RASEF: variants seen among roughly 807,000 people sequenced by gnomAD.
RASEF encodes ras and EF-hand domain-containing protein.
In RASEF, 68 loss-of-function variants were observed where a neutral mutation model predicts 90.1. The observed-to-expected ratio is 0.75, with a 90% CI of 0.62 to 0.92. The LOEUF is 0.92. Among genes scored for constraint, RASEF ranks in the 40% least tolerant of loss-of-function variants. The probability of loss-of-function intolerance (pLI) is 0.00; values close to 1 mark genes in which losing one functional copy is unlikely to be tolerated. For missense variants in RASEF, 949 were observed against 937.2 expected (o/e 1.01, Z -0.16); for synonymous variants, 331 against 345.2 (o/e 0.96, Z 0.46).
At chr9:83,077,012 T>G in the RASEF span, among the ~76,000 whole-genome samples, 2 of 152,206 alleles carry the variant, frequency 1.3e-5, no homozygotes, top group African/African-American at 4.8e-5. Flanking sequence ...ACAAAGAAAC[T>G]AATGTATTTT....
the RASEF span, among the ~76,000 whole-genome samples, chr9:83,184,622 C>A: frequency 6.6e-6 from 1 of 152,022 alleles, no homozygotes; most frequent in Admixed American, 6.6e-5. Flanking sequence ...CAAGTTCAAG[C>A]CCTATTTCAT....
chr9:82,989,969 T>C (rs939586295), intron 16 of RASEF, among the ~76,000 whole-genome samples: 14 of 152,248 alleles, frequency 9.2e-5, no homozygotes, highest in Non-Finnish European at 2.1e-4. Context: ...AATAATTACC[T>C]GGGTAATAAT....
At chr9:83,187,923 A>G in the RASEF span, among the ~76,000 whole-genome samples, 1 of 152,234 alleles carries the variant, frequency 6.6e-6, no homozygotes, top group East Asian at 1.9e-4. Flanking sequence ...TAAGCACATC[A>G]TTAACTTCTC....
chr9:83,155,182 A>T, the RASEF span, among the ~76,000 whole-genome samples: 1 of 152,226 alleles, frequency 6.6e-6, no homozygotes, highest in Admixed American at 6.5e-5. Flanking sequence ...GAGCCGTTCA[A>T]TTCCCAAGTC....
At chr9:83,001,196 G>T in intron 9 of RASEF, 66 bp from the exon 10 acceptor site, 8 of 1,128,378 alleles carry the variant, frequency 7.1e-6, no homozygotes, top group South Asian at 1.4e-5. Flanking sequence ...ACAGGCAATA[G>T]ACCACATGCC....
the RASEF span, among the ~76,000 whole-genome samples, chr9:83,077,981 G>C: frequency 2.0e-5 from 3 of 152,152 alleles, no homozygotes; most frequent in Non-Finnish European, 4.4e-5. Context: ...TTATCTCAGA[G>C]TCAAAAAGGC....
rs186562776 is a variant in RASEF at position 82,990,266 on chromosome 9, C to T, written c.2117+125G>A. 550 of 623,160 alleles carry T rather than the reference C, an allele frequency of 8.8e-4. 1 individual carries two copies. The highest frequency in any genetic ancestry group is 1.4e-3 in the Admixed American group (45 of 33,136). 38.6% of individuals were successfully genotyped at this position (623,160 alleles called of 1,614,324 possible). On this transcript the variant is annotated intron_variant, in intron 16 of 16. Transcript: ENST00000376447. ...TTATAATATCCACATATTTATTTCT[C>T]CCACCATGACTGACAGATAAGAGAG...
At position 83,062,505 on chromosome 9, in the gene RASEF, CGG is replaced by C; in HGVS notation, c.361_362del (p.Pro121GlyfsTer28). The C allele has an allele frequency of 6.2e-7, 1 of 1,611,080 alleles. No individual in the cohort carries two copies. Among genetic ancestry groups the C allele is most frequent in the Non-Finnish European group, 8.5e-7 (1 of 1,179,100 alleles). On this transcript the variant is annotated frameshift_variant, in exon 1 of 17. Coordinates refer to ENST00000376447, the MANE Select transcript of RASEF (RefSeq NM_152573.4). LOFTEE classifies it high-confidence loss of function. ...AAAALATSCG[P>X]ASPGRAWQDF... is the part of the protein sequence containing the mutation. ...CCTGCCAAGCCCGGCCGGGACTCGC[CGG>C]GCCGCACGAGGTGGCCAGCGCCGCC...
intron 1 of RASEF, among the ~76,000 whole-genome samples, chr9:83,054,472 T>G (rs1416186612): frequency 2.2e-5 from 2 of 89,770 alleles, no homozygotes; most frequent in Non-Finnish European, 4.1e-5. Flanking sequence ...GTTTTCAACT[T>G]CTTTGCCTTT....
At chr9:83,025,462 C>A (rs556379013) in intron 2 of RASEF, among the ~76,000 whole-genome samples, 46 of 152,328 alleles carry the variant, frequency 3.0e-4, no homozygotes, top group African/African-American at 9.9e-4. Context: ...AAATAGTGTT[C>A]CATCTACTTC....
chr9:83,009,566 T>C (rs1307201646), intron 6 of RASEF, 75 bp downstream of exon 6: 7 of 786,346 alleles, frequency 8.9e-6, no homozygotes, highest in South Asian at 5.3e-5. Context: ...CATTATTCCA[T>C]AGCTGAGCTT....
rs141268498 is a variant in RASEF at position 82,998,476 on chromosome 9, G to A, written c.1724-30C>T. 2.1e-3 allele frequency: 2,846 copies of A among 1,377,962 alleles called. 8 individuals carry two copies. The highest frequency in any genetic ancestry group is 2.6e-3 in the Non-Finnish European group (2,552 of 965,714). 85.4% of individuals were successfully genotyped at this position (1,377,962 alleles called of 1,614,324 possible). A position where few individuals can be genotyped will look rare whatever the true frequency, so the allele number is the denominator to read the frequency against. ...AAAGGAATGTGAGAGTGGAGAGCAC[G>A]ATGTAAATAATTCCATTGGCTTTTT... is the stretch of plus-strand genomic sequence containing the variant. On this transcript the variant is annotated intron_variant, in intron 12 of 16. Transcript: ENST00000376447.
chr9:83,062,448 C>T lies in RASEF; in HGVS notation c.420G>A (p.Lys140=), dbSNP rs1281068621. ...GCTCACACTCGCACCTGGGAATGAA[C>T]TTGGCTTCGTCCCCAAGTCGCGCCT... ...DFQARLGDEA[K]FIPREEQVST... Residue 140 remains lysine, a synonymous_variant, in exon 1 of 17, where the codon AAG becomes AAA. Transcript: ENST00000376447. 6.2e-7 allele frequency: 1 copy of T among 1,612,954 alleles called. No individual in the cohort carries two copies. The highest frequency in any genetic ancestry group is 8.5e-7 in the Non-Finnish European group (1 of 1,179,698).
chr9:83,035,192 C>A (rs908204434), intron 1 of RASEF, among the ~76,000 whole-genome samples: 4 of 152,146 alleles, frequency 2.6e-5, no homozygotes, highest in African/African-American at 9.7e-5. Flanking sequence ...CTGTGAAGCA[C>A]CAGGTAGAAA....
At chr9:83,071,607 C>T in the RASEF span, among the ~76,000 whole-genome samples, 1 of 152,044 alleles carries the variant, frequency 6.6e-6, no homozygotes, top group South Asian at 2.1e-4. Flanking sequence ...GGGGTTTCAT[C>T]ATTGCCCAGG....
chr9:83,210,491 A>G, the RASEF span, among the ~76,000 whole-genome samples: 1 of 152,204 alleles, frequency 6.6e-6, no homozygotes, highest in East Asian at 1.9e-4. Context: ...CCCTGTCTCC[A>G]TTGCACCACA....
At chr9:83,073,713 T>C in the RASEF span, among the ~76,000 whole-genome samples, 4 of 152,326 alleles carry the variant, frequency 2.6e-5, no homozygotes, top group South Asian at 8.3e-4. Flanking sequence ...AAATATTCCT[T>C]CTAGAGCTAT....
the RASEF span, among the ~76,000 whole-genome samples, chr9:83,078,272 GCAGA>G: frequency 5.9e-5 from 9 of 152,282 alleles, no homozygotes; most frequent in Admixed American, 5.9e-4. Context: ...GAACCCCTGA[GCAGA>G]CAAAGCCAGT....
chr9:82,998,419 A>G lies in RASEF; in HGVS notation c.1751T>C (p.Ile584Thr). 3.1e-6 allele frequency: 5 copies of G among 1,612,300 alleles called. No individual in the cohort carries two copies. The highest frequency in any genetic ancestry group is 4.2e-6 in the Non-Finnish European group (5 of 1,178,376). Residue 584 changes from isoleucine (I) to threonine (T), a missense_variant, in exon 13 of 17, where the codon ATT becomes ACT. By Grantham distance (89) the Ile-to-Thr change is moderately conservative. Around this residue, in one of 3 missense-constraint regions of RASEF, gnomAD observed 288 missense variants for 328.4 expected, o/e 0.88. Coordinates refer to ENST00000376447, the MANE Select transcript of RASEF (RefSeq NM_152573.4). ...LGVDFQMKTLIVDGERTVLQL... is the reference protein window; with the variant it reads ...LGVDFQMKTLTVDGERTVLQL... ...CAGAACTGTTCGTTCTCCATCCACA[A>G]TGAGGGTTTTCATTTGGAAATCAAC...
Sources: gnomAD v4.1 joint callset for allele counts (sites outside exome capture counted in the v4.1 genomes callset) on GRCh38, gnomAD v4.1.1 for gene constraint, gnomAD v4.1.1 regional missense constraint, MANE v1.5 for transcripts, NCBI Gene and HGNC (gene_info 2026-07-23, HGNC 2026-07-21) for gene names.